POP1: variants seen among roughly 807,000 people sequenced by gnomAD.
The protein encoded by POP1 is ribonucleases P/MRP protein subunit POP1.
A neutral mutation model predicts 102.2 loss-of-function variants in POP1; 75 were observed. The ratio of observed to expected loss-of-function variants is 0.73; its 90% CI spans 0.61 to 0.89. The LOEUF is 0.89. POP1 is among the 40% of genes least tolerant of loss of function. POP1 has a pLI of 0.00. For missense variants in POP1, 1,116 were observed against 1,267.4 expected, an observed-to-expected ratio of 0.88 and a Z score of 1.81; for synonymous variants, 436 against 464.1, an observed-to-expected ratio of 0.94 and a Z score of 0.78.
intron 2 of POP1, among the ~76,000 whole-genome samples, chr8:98,123,712 G>T (rs1241984863): frequency 1.3e-5 from 2 of 151,834 alleles, no homozygotes; most frequent in Non-Finnish European, 2.9e-5. Context: ...GGGAGGTGGA[G>T]GTTACAGTGA....
intron 12 of POP1, among the ~76,000 whole-genome samples, chr8:98,147,591 G>C (rs967779402): frequency 6.6e-6 from 1 of 152,156 alleles, no homozygotes; most frequent in Non-Finnish European, 1.5e-5. Flanking sequence ...TTGGAGATGG[G>C]GGGTGAGGAA....
In POP1 at chr8:98,117,339, T is replaced by C. The variant is rs532085495; in HGVS notation, c.-54T>C. The C allele has an allele frequency of 1.5e-5, 8 of 544,318 alleles. No individual in the cohort carries two copies. Among genetic ancestry groups the C allele is most frequent in the South Asian group, 1.4e-4 (7 of 48,638 alleles). 33.7% of individuals were successfully genotyped at this position (544,318 alleles called of 1,614,324 possible). A position where few individuals can be genotyped will look rare whatever the true frequency, so the allele number is the denominator to read the frequency against. On this transcript the variant is annotated 5_prime_UTR_variant, in exon 1 of 16. Transcript: ENST00000401707. The stretch of plus-strand genomic sequence containing the variant: ...CCAGGAGCTTTGGCTCGGTGGGTAC[T>C]GTCGCGGAGGCTTGTCATTCTGACC...
intron 4 of POP1, among the ~76,000 whole-genome samples, chr8:98,129,378 A>G (rs1215451053): frequency 5.9e-5 from 9 of 152,212 alleles, no homozygotes; most frequent in Non-Finnish European, 2.9e-5. Flanking sequence ...AAACCTATTT[A>G]TTGAGCAGCC....
intron 6 of POP1, 83 bp downstream of exon 6, chr8:98,134,119 T>G: frequency 9.4e-7 from 1 of 1,068,294 alleles, no homozygotes; most frequent in Non-Finnish European, 1.5e-6. Context: ...GTAAGCATTT[T>G]GGAATTCAAA....
intron 9 of POP1, among the ~76,000 whole-genome samples, chr8:98,139,377 C>T (rs1371712492): frequency 6.6e-6 from 1 of 152,090 alleles, no homozygotes; most frequent in Non-Finnish European, 1.5e-5. Context: ...GTTTGATTTT[C>T]CTTTGGTGAG....
chr8:98,123,317 T>G lies in POP1; in HGVS notation c.-2-19T>G, dbSNP rs757502410. On this transcript the variant is annotated intron_variant, in intron 1 of 15. Coordinates refer to ENST00000401707, the MANE Select transcript of POP1 (RefSeq NM_001145860.2). ...GGAAGTTTCCTTTCCCTGTATTAAATGTATTACTTCCTTTCCAGAAATGTC... is the reference window on the plus strand; with the variant it reads ...GGAAGTTTCCTTTCCCTGTATTAAAGGTATTACTTCCTTTCCAGAAATGTC... 2 of 1,611,696 alleles carry G rather than the reference T, an allele frequency of 1.2e-6. No individual in the cohort carries two copies. The highest frequency in any genetic ancestry group is 4.5e-5 in the East Asian group (2 of 44,800).
intron 9 of POP1, among the ~76,000 whole-genome samples, chr8:98,138,139 C>T (rs971669384): frequency 3.9e-5 from 6 of 152,224 alleles, no homozygotes; most frequent in African/African-American, 7.2e-5. Context: ...ATCCTTCCTC[C>T]TTTTCAGCCC....
intron 14 of POP1, among the ~76,000 whole-genome samples, chr8:98,151,913 T>C (rs368617074): frequency 6.6e-6 from 1 of 152,046 alleles, no homozygotes; most frequent in East Asian, 1.9e-4. Context: ...TGGCTAATTT[T>C]TGTAGAGATG....
At chr8:98,140,990 T>C in intron 11 of POP1, 102 bp downstream of exon 11, 1 of 1,422,580 alleles carries the variant, frequency 7.0e-7, no homozygotes, top group Non-Finnish European at 9.9e-7. Context: ...TAACTTCATC[T>C]GTAAAAAATT....
intron 14 of POP1, among the ~76,000 whole-genome samples, chr8:98,153,863 A>G (rs1199907652): frequency 1.3e-5 from 2 of 152,044 alleles, no homozygotes; most frequent in Non-Finnish European, 1.5e-5. Flanking sequence ...TTTCCAAACC[A>G]CTTTCTTTCT....
intron 7 of POP1, among the ~76,000 whole-genome samples, chr8:98,135,582 G>C (rs1318926957): frequency 2.6e-5 from 4 of 151,844 alleles, no homozygotes; most frequent in Non-Finnish European, 5.9e-5. Flanking sequence ...CCTACCCCTA[G>C]CCCCAGCCCT....
Position 98,149,002 on chromosome 8 carries a change from C to T in POP1, c.1898C>T (p.Pro633Leu), listed in dbSNP as rs2130624041. The T allele has an allele frequency of 1.9e-6, 3 of 1,611,384 alleles. No individual in the cohort carries two copies. Among genetic ancestry groups the T allele is most frequent in the Non-Finnish European group, 2.5e-6 (3 of 1,178,318 alleles). ...PKGWGMAFWIPFIYRGVRVGG... is the reference protein window; with the variant it reads ...PKGWGMAFWILFIYRGVRVGG... ...GGCTGGGGCATGGCTTTCTGGATTC[C>T]ATTTGTAAGTTACTTTTTGATTCTA... is the stretch of plus-strand genomic sequence containing the variant. The change falls in exon 13 of 16, where the codon CCA (proline) becomes CTA (leucine). Residue 633 changes from proline to leucine, a missense_variant. Transcript: ENST00000401707.
intron 10 of POP1, 40 bp from the exon 11 acceptor site, chr8:98,140,729 T>C: frequency 6.2e-7 from 1 of 1,603,268 alleles, no homozygotes; most frequent in South Asian, 1.1e-5. Flanking sequence ...AGATGTATTA[T>C]GAATGACTTT....
At chr8:98,132,640 C>T (rs1470660439) in intron 5 of POP1, among the ~76,000 whole-genome samples, 2 of 152,124 alleles carry the variant, frequency 1.3e-5, no homozygotes, top group African/African-American at 4.8e-5. Context: ...GTTCAAGTAA[C>T]AATCTCTGTG....
chr8:98,126,084 A>G (rs1469800903), intron 2 of POP1, among the ~76,000 whole-genome samples: 2 of 151,234 alleles, frequency 1.3e-5, no homozygotes, highest in African/African-American at 4.9e-5. Context: ...CCTGGACTCA[A>G]GTGATCTGCC....
intron 2 of POP1, among the ~76,000 whole-genome samples, chr8:98,126,296 C>T (rs1816204160): frequency 6.6e-6 from 1 of 152,106 alleles, no homozygotes. Context: ...ACAGGTTGAG[C>T]ATTCCTAATC....
In POP1 at chr8:98,117,332, T is replaced by A; in HGVS notation, c.-61T>A. 1.8e-6 allele frequency: 1 copy of A among 561,964 alleles called. No individual in the cohort carries two copies. Among genetic ancestry groups the A allele is most frequent in the Non-Finnish European group, 3.2e-6 (1 of 313,986 alleles). 34.8% of individuals were successfully genotyped at this position (561,964 alleles called of 1,614,324 possible). A position where few individuals can be genotyped will look rare whatever the true frequency, so the allele number is the denominator to read the frequency against. The stretch of plus-strand genomic sequence containing the variant: ...GCGCTCTCCAGGAGCTTTGGCTCGG[T>A]GGGTACTGTCGCGGAGGCTTGTCAT... On this transcript the variant is annotated 5_prime_UTR_variant, in exon 1 of 16. Coordinates refer to ENST00000401707, the MANE Select transcript of POP1 (RefSeq NM_001145860.2).
chr8:98,138,298 T>C (rs998638421), intron 9 of POP1, among the ~76,000 whole-genome samples: 2 of 125,914 alleles, frequency 1.6e-5, no homozygotes, highest in Admixed American at 8.3e-5. Flanking sequence ...CCTTCTTGCC[T>C]CTGAGGCCTC....
intron 13 of POP1, 44 bp from the exon 14 acceptor site, chr8:98,150,441 T>G (rs764564440): frequency 6.2e-7 from 1 of 1,610,788 alleles, no homozygotes; most frequent in South Asian, 1.1e-5. Flanking sequence ...AGCAATTCAC[T>G]TTAAGTTGGT....
Sources: gnomAD v4.1 joint callset for allele counts (sites outside exome capture counted in the v4.1 genomes callset) on GRCh38, gnomAD v4.1.1 for gene constraint, MANE v1.5 for transcripts, NCBI Gene and HGNC (gene_info 2026-07-23, HGNC 2026-07-21) for gene names.